CCDC30: variants seen among roughly 807,000 people sequenced by gnomAD.
CCDC30 encodes the protein coiled-coil domain containing 30, also known as coiled-coil domain-containing protein 30.
Under a neutral mutation model 100.2 loss-of-function variants are expected in CCDC30, and 70 were observed. That is an observed-to-expected ratio of 0.70 (90% CI 0.58 to 0.85). The LOEUF (loss-of-function observed/expected upper bound fraction) is 0.85. Ranked by LOEUF, CCDC30 falls within the 40% of genes least tolerant of loss-of-function variation. CCDC30 has a pLI of 0.00. For missense variants in CCDC30, 652 were observed against 771.2 expected (o/e 0.85, Z 1.83); for synonymous variants, 233 against 269.5 (o/e 0.86, Z 1.33).
At chr1:42,623,446 T>C (rs1435226219) in intron 11 of CCDC30, among the ~76,000 whole-genome samples, 1 of 152,228 alleles carries the variant, frequency 6.6e-6, no homozygotes, top group African/African-American at 2.4e-5. Flanking sequence ...TTTATTCTTC[T>C]GCATATGGAC....
the CCDC30 span, chr1:42,456,541 G>A: frequency 6.9e-7 from 1 of 1,446,426 alleles, no homozygotes; most frequent in Non-Finnish European, 9.1e-7. Flanking sequence ...CGAAACGTGC[G>A]CAGGCGCCGG....
rs561339958 is a variant in CCDC30 at position 42,580,743 on chromosome 1, C to T, written c.847-617C>T. 231 of 395,118 alleles carry T rather than the reference C, an allele frequency of 5.8e-4. 1 individual carries two copies. The highest frequency in any genetic ancestry group is 4.3e-3 in the Admixed American group (140 of 32,694). 24.5% of individuals were successfully genotyped at this position (395,118 alleles called of 1,614,324 possible). A position where few individuals can be genotyped will look rare whatever the true frequency, so the allele number is the denominator to read the frequency against. On this transcript the variant is annotated intron_variant, in intron 8 of 16. Coordinates refer to ENST00000668663, the Ensembl canonical transcript of CCDC30. ...AAATTTGTAAATCATATTTTTAGTT[C>T]TCCCAGAGCATTAAAAAACCTATTA...
chr1:42,642,051 C>T (rs568222351), intron 12 of CCDC30, among the ~76,000 whole-genome samples: 72 of 152,064 alleles, frequency 4.7e-4, no homozygotes, highest in Admixed American at 1.7e-3. Flanking sequence ...CGGTGAAACC[C>T]CATCTCTACT....
At chr1:42,516,336 G>A (rs927876602) in intron 6 of CCDC30, among the ~76,000 whole-genome samples, 5 of 152,044 alleles carry the variant, frequency 3.3e-5, no homozygotes, top group Admixed American at 6.6e-5. Context: ...GGTATTGGGA[G>A]GTGGTACCGA....
At chr1:42,543,564 T>G (rs948921899) in intron 6 of CCDC30, among the ~76,000 whole-genome samples, 3 of 152,144 alleles carry the variant, frequency 2.0e-5, no homozygotes, top group Admixed American at 2.0e-4. Flanking sequence ...CTTGCCTTAT[T>G]TCTGCAGCTC....
upstream of CCDC30, chr1:42,459,729 T>C (rs780618390): frequency 1.2e-6 from 2 of 1,614,184 alleles, no homozygotes; most frequent in Non-Finnish European, 1.7e-6. Flanking sequence ...TCGGAAGGCT[T>C]TGGAAATTTA....
chr1:42,477,127 G>T (rs974399627), intron 1 of CCDC30, among the ~76,000 whole-genome samples: 1 of 151,176 alleles, frequency 6.6e-6, no homozygotes, highest in East Asian at 1.9e-4. Flanking sequence ...AATTTCTTCC[G>T]GCATTTCTGG....
At chr1:42,563,863 C>T (rs541161823) in intron 6 of CCDC30, among the ~76,000 whole-genome samples, 112 of 150,192 alleles carry the variant, frequency 7.5e-4, no homozygotes, top group African/African-American at 2.6e-3. Context: ...GGCGACAAAG[C>T]GAGACTCCAT....
chr1:42,551,978 C>G (rs1442499061), intron 6 of CCDC30, among the ~76,000 whole-genome samples: 1 of 151,836 alleles, frequency 6.6e-6, no homozygotes, highest in Non-Finnish European at 1.5e-5. Context: ...GTTGCCCAGG[C>G]TGGTCTCGAA....
At chr1:42,649,020 AACGAATAATGAATCAT>A (rs1648117842) in intron 15 of CCDC30, among the ~76,000 whole-genome samples, 1 of 152,194 alleles carries the variant, frequency 6.6e-6, no homozygotes, top group Non-Finnish European at 1.5e-5. Flanking sequence ...AACTTCAACA[AACGAATAATGAATCAT>A]ATGATCAAAG....
chr1:42,648,439 G>C (rs186203384), intron 15 of CCDC30, among the ~76,000 whole-genome samples: 2 of 152,144 alleles, frequency 1.3e-5, no homozygotes, highest in Non-Finnish European at 2.9e-5. Context: ...GGGAGGCCAA[G>C]GCAGGCGGAT....
At chr1:42,599,513 ACT>A (rs756631445) in intron 10 of CCDC30, among the ~76,000 whole-genome samples, 3 of 152,210 alleles carry the variant, frequency 2.0e-5, no homozygotes, top group Non-Finnish European at 2.9e-5. Flanking sequence ...ACAAAGAACA[ACT>A]AATAGAAAAC....
chr1:42,496,609 G>A (rs1644236607), intron 4 of CCDC30, among the ~76,000 whole-genome samples: 1 of 152,068 alleles, frequency 6.6e-6, no homozygotes, highest in Admixed American at 6.5e-5. Flanking sequence ...TGTTCCATTT[G>A]TGATCAATAA....
At chr1:42,458,755 C>G (rs1643315209), upstream of CCDC30, among the ~76,000 whole-genome samples, 1 of 152,054 alleles carries the variant, frequency 6.6e-6, no homozygotes, top group East Asian at 1.9e-4. Context: ...TTGAAAGTAA[C>G]AAAGCAACTG....
chr1:42,622,285 T>C (rs981963511), intron 11 of CCDC30, among the ~76,000 whole-genome samples: 2 of 152,232 alleles, frequency 1.3e-5, no homozygotes, highest in Admixed American at 6.5e-5. Flanking sequence ...TTTTTACGGC[T>C]GAATAGTATT....
At chr1:42,564,926 G>A (rs1463009471) in intron 6 of CCDC30, among the ~76,000 whole-genome samples, 1 of 152,110 alleles carries the variant, frequency 6.6e-6, no homozygotes, top group Non-Finnish European at 1.5e-5. Context: ...GTATAAGTGA[G>A]ATCATGCAGT....
intron 6 of CCDC30, among the ~76,000 whole-genome samples, chr1:42,531,453 A>G (rs1411664216): frequency 6.6e-6 from 1 of 152,180 alleles, no homozygotes; most frequent in Non-Finnish European, 1.5e-5. Flanking sequence ...TGGGATGCCC[A>G]GATACCTGAT....
intron 1 of CCDC30, among the ~76,000 whole-genome samples, chr1:42,473,899 T>G (rs965086807): frequency 6.6e-6 from 1 of 152,202 alleles, no homozygotes; most frequent in African/African-American, 2.4e-5. Flanking sequence ...GGGCTATCTA[T>G]ATCTACCCTC....
intron 6 of CCDC30, chr1:42,537,587 A>G: frequency 9.7e-6 from 3 of 308,994 alleles, no homozygotes; most frequent in South Asian, 2.8e-5. Context: ...TATTCCCTTC[A>G]TTGAGCACCA....
Sources: allele counts gnomAD v4.1 joint callset (sites outside exome capture counted in the v4.1 genomes callset), GRCh38; gene constraint gnomAD v4.1.1; transcripts MANE v1.5; gene names NCBI Gene and HGNC (gene_info 2026-07-23, HGNC 2026-07-21).